The following OTUD7A variants were observed in gnomAD, a reference collection of about 807,000 sequenced individuals.
OTUD7A encodes OTU domain-containing protein 7A.
OTUD7A carries 12 observed loss-of-function variants against 65.7 expected under a neutral mutation model. That is an observed-to-expected ratio of 0.18 (90% CI 0.12 to 0.30). The LOEUF (loss-of-function observed/expected upper bound fraction) is 0.30, where lower values mean the gene tolerates loss of function less well. OTUD7A is among the 10% of genes least tolerant of loss of function. The pLI is 1.00. For missense variants in OTUD7A, 1,148 were observed against 1,304.8 expected, an observed-to-expected ratio of 0.88 and a Z score of 1.85; for synonymous variants, 641 against 586.3, an observed-to-expected ratio of 1.09 and a Z score of -1.35.
intron 1 of OTUD7A, among the ~76,000 whole-genome samples, chr15:31,733,576 G>T (rs1894106614): frequency 6.6e-6 from 1 of 152,194 alleles, no homozygotes. Flanking sequence ...TCTATCCCGA[G>T]CATGCCCGTG....
chr15:31,795,362 C>T (rs1425131393), intron 1 of OTUD7A, among the ~76,000 whole-genome samples: 2 of 152,078 alleles, frequency 1.3e-5, no homozygotes, highest in Non-Finnish European at 2.9e-5. Context: ...ATTCTGCAGC[C>T]CCTAAAAACC....
intron 1 of OTUD7A, among the ~76,000 whole-genome samples, chr15:31,780,866 A>G (rs1386425233): frequency 6.6e-6 from 1 of 152,238 alleles, no homozygotes; most frequent in East Asian, 1.9e-4. Flanking sequence ...TTCATGTTCT[A>G]AAAAGTCAAC....
chr15:31,717,707 G>A (rs1292315808), intron 1 of OTUD7A, among the ~76,000 whole-genome samples: 2 of 152,160 alleles, frequency 1.3e-5, no homozygotes, highest in Non-Finnish European at 2.9e-5. Flanking sequence ...ACATACATGT[G>A]CATGTGTCTT....
intron 1 of OTUD7A, among the ~76,000 whole-genome samples, chr15:31,703,321 T>C (rs574195578): frequency 2.4e-4 from 37 of 152,286 alleles, no homozygotes; most frequent in African/African-American, 8.7e-4. Flanking sequence ...GAGAAAATAT[T>C]TGCAAACCAT....
At chr15:31,635,916 C>G (rs1891326249) in intron 3 of OTUD7A, among the ~76,000 whole-genome samples, 1 of 152,212 alleles carries the variant, frequency 6.6e-6, no homozygotes, top group South Asian at 2.1e-4. Flanking sequence ...CAGCTGGTCT[C>G]CGGCAGCATG....
chr15:31,598,443 G>A (rs1889973388), intron 3 of OTUD7A, among the ~76,000 whole-genome samples: 1 of 152,162 alleles, frequency 6.6e-6, no homozygotes, highest in Admixed American at 6.5e-5. Context: ...GTGAGGGACT[G>A]AGCCTGAGGA....
chr15:31,647,563 A>T (rs1891713085), intron 3 of OTUD7A, among the ~76,000 whole-genome samples: 1 of 152,078 alleles, frequency 6.6e-6, no homozygotes, highest in Non-Finnish European at 1.5e-5. Flanking sequence ...TATTTTTTTT[A>T]AGTGAAGCCT....
At chr15:31,673,053 T>C (rs137877597) in intron 1 of OTUD7A, among the ~76,000 whole-genome samples, 198 of 152,308 alleles carry the variant, frequency 1.3e-3, no homozygotes, top group African/African-American at 4.5e-3. Flanking sequence ...GATGCTCAAT[T>C]TATGATGGGG....
chr15:31,660,044 T>A (rs1892115545), intron 1 of OTUD7A, among the ~76,000 whole-genome samples: 1 of 152,410 alleles, frequency 6.6e-6, no homozygotes, highest in Admixed American at 6.5e-5. Context: ...TGAAAGAACA[T>A]GCACTATTAC....
chr15:31,659,628 G>A (rs1892101675), intron 1 of OTUD7A, among the ~76,000 whole-genome samples: 2 of 145,718 alleles, frequency 1.4e-5, no homozygotes, highest in Admixed American at 1.3e-4. Flanking sequence ...CCCTGGCTCT[G>A]CAGGGCTGCC....
intron 1 of OTUD7A, among the ~76,000 whole-genome samples, chr15:31,740,629 G>A (rs1894317661): frequency 1.3e-5 from 2 of 151,336 alleles, no homozygotes; most frequent in Non-Finnish European, 1.5e-5. Flanking sequence ...GTGAGAGGGG[G>A]AAAAAAAACA....
rs571457458 is a variant in OTUD7A at position 31,854,075 on chromosome 15, T to C, written c.-100+16432A>G. 2.6e-4 allele frequency among the ~76,000 whole-genome samples: 39 copies of C among 152,390 alleles called. No homozygotes were observed. In the South Asian group the frequency reaches 3.1e-3, roughly 12 times the overall value. ...CAAGCAATATAAATTTATTTTCTTA[T>C]AGTTTTGAAAGTCGGAAATCTAAAA... On this transcript the variant is annotated intron_variant, in intron 1 of 12. Coordinates refer to ENST00000307050, the MANE Select transcript of OTUD7A (RefSeq NM_001382637.1).
chr15:31,627,563 G>A (rs1891000248), intron 3 of OTUD7A, among the ~76,000 whole-genome samples: 1 of 152,068 alleles, frequency 6.6e-6, no homozygotes, highest in Admixed American at 6.5e-5. Flanking sequence ...GTGTGCATGT[G>A]TCTTTATAGC....
intron 1 of OTUD7A, among the ~76,000 whole-genome samples, chr15:31,791,949 T>C (rs565204374): frequency 6.6e-6 from 1 of 152,114 alleles, no homozygotes; most frequent in African/African-American, 2.4e-5. Context: ...GTAGAGAAGA[T>C]ACTCAGTCCT....
intron 8 of OTUD7A, among the ~76,000 whole-genome samples, chr15:31,525,594 A>G (rs375815395): frequency 6.9e-4 from 105 of 152,302 alleles, no homozygotes; most frequent in Middle Eastern, 6.8e-3. Context: ...TCCTCCTTCC[A>G]TGGGTCTCCC....
rs149084587 is a variant in OTUD7A, at chr15:31,777,332, G to A, written c.-100+93175C>T. 6.4e-3 allele frequency among the ~76,000 whole-genome samples: 972 copies of A among 152,284 alleles called. 9 individuals are homozygous for A. The highest frequency in any genetic ancestry group is 0.022 in the African/African-American group (904 of 41,556). ...ATCACCTTGGGGGTTAGGTTGAGAG[G>A]GACATAAATATTCAGTCTATAGTAC... On this transcript the variant is annotated intron_variant, in intron 1 of 12. Transcript: ENST00000307050.
intron 1 of OTUD7A, among the ~76,000 whole-genome samples, chr15:31,830,680 T>C (rs1379815116): frequency 6.6e-6 from 1 of 152,274 alleles, no homozygotes; most frequent in Non-Finnish European, 1.5e-5. Context: ...GATGTGGTGA[T>C]AGTACACAAA....
At chr15:31,722,929 C>T (rs1042987909) in intron 1 of OTUD7A, among the ~76,000 whole-genome samples, 3 of 152,250 alleles carry the variant, frequency 2.0e-5, no homozygotes, top group African/African-American at 7.2e-5. Flanking sequence ...GACCCAAATC[C>T]TCTTAGCCCC....
intron 3 of OTUD7A, among the ~76,000 whole-genome samples, chr15:31,605,683 A>G (rs1890218519): frequency 1.3e-5 from 2 of 152,184 alleles, no homozygotes; most frequent in Admixed American, 1.3e-4. Context: ...TTTCAGACTC[A>G]TTTTCTTAAA....
Sources: allele counts gnomAD v4.1 joint callset (sites outside exome capture counted in the v4.1 genomes callset), GRCh38; gene constraint gnomAD v4.1.1; transcripts MANE v1.5; gene names NCBI Gene and HGNC (gene_info 2026-07-23, HGNC 2026-07-21).